PTPRM: variants seen among roughly 807,000 people sequenced by gnomAD.
PTPRM encodes the protein receptor-type tyrosine-protein phosphatase mu.
In PTPRM, 47 loss-of-function variants were observed where a neutral mutation model predicts 186.7. That is an observed-to-expected ratio of 0.25 (90% CI 0.20 to 0.32). PTPRM has a LOEUF of 0.32. Ranked by LOEUF, PTPRM falls within the 10% of genes least tolerant of loss-of-function variation. PTPRM has a pLI of 1.00. For synonymous variants in PTPRM, 668 were observed against 674.9 expected, an observed-to-expected ratio of 0.99 and a Z score of 0.16; for missense variants, 1,494 against 1,865.0, an observed-to-expected ratio of 0.80 and a Z score of 3.66.
At chr18:8,254,699 A>G (rs150298316) in intron 19 of PTPRM, among the ~76,000 whole-genome samples, 11 of 152,302 alleles carry the variant, frequency 7.2e-5, no homozygotes, top group Non-Finnish European at 1.5e-4. Context: ...ACTTCATTTT[A>G]TGCCCCAGAC....
chr18:7,850,029 T>C (rs2145925979), intron 2 of PTPRM, among the ~76,000 whole-genome samples: 1 of 152,320 alleles, frequency 6.6e-6, no homozygotes, highest in South Asian at 2.1e-4. Flanking sequence ...CTATCCCTGT[T>C]TTACAATCAT....
chr18:7,801,376 A>G (rs1168466231), intron 2 of PTPRM, among the ~76,000 whole-genome samples: 2 of 152,150 alleles, frequency 1.3e-5, no homozygotes, highest in Non-Finnish European at 2.9e-5. Flanking sequence ...AGAATTGGTC[A>G]CTGATATATC....
In PTPRM at chr18:8,012,911, A is replaced by T. The variant is rs115513182; in HGVS notation, c.1133-56775A>T. The stretch of plus-strand genomic sequence containing the variant: ...AGTGGGAAACACATGAAAGAGCTGG[A>T]CTACTCAAGGGTGATTGGCAGTGGC... On this transcript the variant is annotated intron_variant, in intron 7 of 32. Transcript: ENST00000580170. Among the ~76,000 whole-genome samples the T allele has an allele frequency of 5.7e-3, 862 of 152,232 alleles. 9 individuals are homozygous for T. Among genetic ancestry groups the T allele is most frequent in the African/African-American group, 0.02 (824 of 41,526 alleles).
chr18:7,817,221 C>T (rs755414033), intron 2 of PTPRM, among the ~76,000 whole-genome samples: 7 of 152,054 alleles, frequency 4.6e-5, no homozygotes, highest in East Asian at 1.9e-4. Flanking sequence ...GTGATCTGCC[C>T]GCCTCGGCAT....
At chr18:8,244,721 G>A (rs1410655305) in intron 15 of PTPRM, among the ~76,000 whole-genome samples, 1 of 152,160 alleles carries the variant, frequency 6.6e-6, no homozygotes, top group Admixed American at 6.5e-5. Context: ...TACCAGGTGT[G>A]TAAACCAACC....
intron 19 of PTPRM, among the ~76,000 whole-genome samples, chr18:8,274,767 G>C (rs1284762592): frequency 6.6e-6 from 1 of 152,204 alleles, no homozygotes; most frequent in East Asian, 1.9e-4. Flanking sequence ...CTTTGAGCCA[G>C]AGTGGATAAG....
chr18:7,817,149 A>G (rs970570666), intron 2 of PTPRM, among the ~76,000 whole-genome samples: 1 of 151,694 alleles, frequency 6.6e-6, no homozygotes, highest in Non-Finnish European at 1.5e-5. Context: ...TAATTTTTGT[A>G]TTTTTACTAG....
intron 1 of PTPRM, among the ~76,000 whole-genome samples, chr18:7,765,184 G>A (rs1014746402): frequency 6.6e-6 from 1 of 152,016 alleles, no homozygotes; most frequent in African/African-American, 2.4e-5. Flanking sequence ...TAAAAAATTA[G>A]GAATCCATAG....
At chr18:7,659,618 A>C (rs776953913) in intron 1 of PTPRM, among the ~76,000 whole-genome samples, 6 of 152,214 alleles carry the variant, frequency 3.9e-5, no homozygotes, top group Non-Finnish European at 7.3e-5. Flanking sequence ...CAGCAGTTGG[A>C]TCAGTGAAGG....
chr18:8,192,173 A>C (rs2093718817), intron 14 of PTPRM, among the ~76,000 whole-genome samples: 1 of 152,122 alleles, frequency 6.6e-6, no homozygotes, highest in African/African-American at 2.4e-5. Flanking sequence ...AGTAAGGAAA[A>C]TCTCTGTAAT....
intron 11 of PTPRM, among the ~76,000 whole-genome samples, chr18:8,098,282 T>C (rs1412939663): frequency 6.6e-6 from 1 of 152,168 alleles, no homozygotes; most frequent in Non-Finnish European, 1.5e-5. Flanking sequence ...TATAAAAATA[T>C]AATCAGAAAT....
At chr18:7,770,213 A>G (rs1222126502) in intron 1 of PTPRM, among the ~76,000 whole-genome samples, 1 of 152,252 alleles carries the variant, frequency 6.6e-6, no homozygotes, top group East Asian at 1.9e-4. Context: ...GCGTCCTTTT[A>G]CTGTGTTTCA....
At chr18:7,842,818 A>G (rs117304881) in intron 2 of PTPRM, among the ~76,000 whole-genome samples, 7,875 of 116,342 alleles carry the variant, frequency 0.068, 295 homozygotes, top group Non-Finnish European at 0.092. Context: ...GTGTGTGTGT[A>G]TATATATATG....
chr18:7,914,908 A>T (rs550921459), intron 4 of PTPRM, among the ~76,000 whole-genome samples: 1 of 152,174 alleles, frequency 6.6e-6, no homozygotes, highest in East Asian at 1.9e-4. Context: ...TGCATCCCGT[A>T]CATTTCAACC....
intron 11 of PTPRM, among the ~76,000 whole-genome samples, chr18:8,096,606 C>A (rs1034796075): frequency 2.0e-5 from 3 of 152,102 alleles, no homozygotes; most frequent in African/African-American, 7.2e-5. Context: ...AAACTCAGAG[C>A]ACTAAAAGAT....
At chr18:7,983,540 G>C (rs533147037) in intron 7 of PTPRM, among the ~76,000 whole-genome samples, 1 of 152,176 alleles carries the variant, frequency 6.6e-6, no homozygotes, top group Admixed American at 6.5e-5. Flanking sequence ...TATGCTTTTT[G>C]TCTCTGGCTT....
At chr18:8,235,538 A>C (rs1374608910) in intron 14 of PTPRM, among the ~76,000 whole-genome samples, 1 of 116,642 alleles carries the variant, frequency 8.6e-6, no homozygotes, top group Non-Finnish European at 1.8e-5. Flanking sequence ...TAGTTTTGTT[A>C]ATTTTTTTCT....
At chr18:7,795,804 TTCTTTC>T (rs972853643) in intron 2 of PTPRM, among the ~76,000 whole-genome samples, 1 of 146,302 alleles carries the variant, frequency 6.8e-6, no homozygotes. Flanking sequence ...TTTTCTTTCT[TTCTTTC>T]TTTTTTTTTT....
chr18:7,752,359 TA>T (rs535255671), intron 1 of PTPRM, among the ~76,000 whole-genome samples: 4 of 152,264 alleles, frequency 2.6e-5, no homozygotes, highest in East Asian at 3.9e-4. Flanking sequence ...ATTCTTTTTT[TA>T]AAAAAATTTC....
Sources: allele counts gnomAD v4.1 joint callset (sites outside exome capture counted in the v4.1 genomes callset), GRCh38; gene constraint gnomAD v4.1.1; transcripts MANE v1.5; gene names NCBI Gene and HGNC (gene_info 2026-07-23, HGNC 2026-07-21).